PCLO: variants seen among roughly 807,000 people sequenced by gnomAD.
PCLO encodes the protein piccolo presynaptic cytomatrix protein, also known as protein piccolo.
Under a neutral mutation model 427.5 loss-of-function variants are expected in PCLO, and 82 were observed. That is an observed-to-expected ratio of 0.19 (90% CI 0.16 to 0.23). The LOEUF (loss-of-function observed/expected upper bound fraction) is 0.23. Ranked by LOEUF, PCLO falls within the 10% of genes least tolerant of loss-of-function variation. The pLI is 1.00. For synonymous variants in PCLO, 2,357 were observed against 2,155.4 expected, an observed-to-expected ratio of 1.09 and a Z score of -2.59; for missense variants, 6,239 against 6,115.9, an observed-to-expected ratio of 1.02 and a Z score of -0.67.
chr7:82,953,089 C>G lies in PCLO; in HGVS notation c.7864G>C (p.Val2622Leu), dbSNP rs761772741. ...TCTACAGCTGTCACAGGAGGAACTA[C>G]AGAAAACACAGGTTCAACAGAAACC... ...DLVSVEPVFS[V>L]VPPVTAVEIP... The change falls in exon 5 of 25, where the codon GTA becomes CTA. Residue 2622 changes from valine (V) to leucine (L), a missense_variant. This residue lies in a region of PCLO where 4,677 missense variants were observed against 4,468.4 expected (regional missense o/e 1.05). Transcript: ENST00000333891. 1 of 1,613,974 alleles carries G rather than the reference C, an allele frequency of 6.2e-7. No homozygotes were observed. The highest frequency in any genetic ancestry group is 1.1e-5 in the South Asian group (1 of 91,086).
intron 18 of PCLO, among the ~76,000 whole-genome samples, chr7:82,825,665 G>C (rs1291431212): frequency 6.8e-6 from 1 of 147,092 alleles, no homozygotes; most frequent in Non-Finnish European, 1.5e-5. Flanking sequence ...TATATACATT[G>C]TATATATAAC....
chr7:83,151,969 T>TC (rs1409547933), intron 2 of PCLO, among the ~76,000 whole-genome samples: 2 of 152,120 alleles, frequency 1.3e-5, no homozygotes, highest in Non-Finnish European at 2.9e-5. Flanking sequence ...CTTACTTTTT[T>TC]TTTTTTTTGA....
At position 83,131,383 on chromosome 7, in the gene PCLO, C is replaced by T. The variant is rs183531678; in HGVS notation, c.3300+2867G>A. On this transcript the variant is annotated intron_variant, in intron 3 of 24. Transcript: ENST00000333891. ...TGTATGAGACAGGAAACAACCTTAGCGACAGGTGTGTTTGATTAATGAAGG... is the reference window on the plus strand; with the variant it reads ...TGTATGAGACAGGAAACAACCTTAGTGACAGGTGTGTTTGATTAATGAAGG... Among the ~76,000 whole-genome samples the T allele has an allele frequency of 1.3e-4, 20 of 152,096 alleles. No homozygotes were observed. In the South Asian group the frequency reaches 1.9e-3, roughly 14 times the overall value.
At chr7:83,152,355 T>C (rs1017740930) in intron 2 of PCLO, among the ~76,000 whole-genome samples, 3 of 152,202 alleles carry the variant, frequency 2.0e-5, no homozygotes, top group Non-Finnish European at 1.5e-5. Context: ...AGACTGCATA[T>C]CTAACAAATA....
intron 22 of PCLO, among the ~76,000 whole-genome samples, chr7:82,763,503 A>G (rs1297028418): frequency 2.0e-5 from 3 of 152,080 alleles, no homozygotes; most frequent in Non-Finnish European, 2.9e-5. Context: ...AAGTTGTAAA[A>G]ATATTAGGCT....
chr7:82,859,445 G>A (rs1365946267), intron 10 of PCLO, among the ~76,000 whole-genome samples: 2 of 152,194 alleles, frequency 1.3e-5, no homozygotes, highest in African/African-American at 2.4e-5. Context: ...TAAGAGAAGA[G>A]AACAAGAGTC....
chr7:83,083,204 AATAG>A (rs1790146877), intron 3 of PCLO, among the ~76,000 whole-genome samples: 1 of 151,988 alleles, frequency 6.6e-6, no homozygotes, highest in African/African-American at 2.4e-5. Context: ...AAGTAACTGA[AATAG>A]ATAATGTTAC....
At chr7:82,889,031 G>A (rs1793695377) in intron 9 of PCLO, among the ~76,000 whole-genome samples, 1 of 151,598 alleles carries the variant, frequency 6.6e-6, no homozygotes, top group Admixed American at 6.6e-5. Context: ...GGGGTGAGGG[G>A]TTTCTGTTAC....
chr7:83,057,217 G>C (rs919839235), intron 3 of PCLO, among the ~76,000 whole-genome samples: 1 of 145,306 alleles, frequency 6.9e-6, no homozygotes, highest in South Asian at 2.2e-4. Flanking sequence ...CTGAGTAGCT[G>C]TATTTCTAGT....
At chr7:83,159,856 A>G (rs537673885) in intron 1 of PCLO, among the ~76,000 whole-genome samples, 5 of 152,196 alleles carry the variant, frequency 3.3e-5, no homozygotes, top group African/African-American at 1.2e-4. Flanking sequence ...GTCCCAGGAT[A>G]TAGGGACTAA....
chr7:82,932,363 T>C (rs1584174355), intron 6 of PCLO, among the ~76,000 whole-genome samples: 1 of 152,092 alleles, frequency 6.6e-6, no homozygotes, highest in African/African-American at 2.4e-5. Flanking sequence ...ATCTGAACCT[T>C]GGATCATAAA....
chr7:82,755,595 A>G lies in PCLO; in HGVS notation c.*2980T>C, dbSNP rs1337259354. 1.3e-5 allele frequency: 2 copies of G among 152,126 alleles called. No individual in the cohort carries two copies. Among genetic ancestry groups the G allele is most frequent in the African/African-American group, 2.4e-5 (1 of 41,434 alleles). The allele number at this position is 152,126 out of a possible 1,614,324, so 9.4% of individuals were successfully genotyped here. ...AAACTGAGATGCTCTTCAAGGTAAA[A>G]GTGCTGTAATTGGAGTAATTACGTA... On this transcript the variant is annotated 3_prime_UTR_variant, in exon 25 of 25. Transcript: ENST00000333891.
rs200344312 is a variant in PCLO, at chr7:83,155,041, G to A, written c.1600C>T (p.Pro534Ser). 1 of 1,613,638 alleles carries A rather than the reference G, an allele frequency of 6.2e-7. No homozygotes were observed. Among genetic ancestry groups the A allele is most frequent in the African/African-American group, 1.3e-5 (1 of 74,922 alleles). Reference protein sequence around the residue: ...PGSTKPPSQQPGSAKPSAQQP... With the variant: ...PGSTKPPSQQSGSAKPSAQQP... Reference sequence around the variant, plus strand: ...TGAGCTGAGGGTTTTGCTGAGCCAGGCTGTTGAGATGGGGGTTTTGTTGAG... The same window carrying A: ...TGAGCTGAGGGTTTTGCTGAGCCAGACTGTTGAGATGGGGGTTTTGTTGAG... Residue 534 changes from proline (P) to serine (S), a missense_variant, in exon 2 of 25, where the codon CCT becomes TCT. Pro to Ser is a moderately conservative substitution (Grantham distance 74). This residue lies in a region of PCLO where 4,677 missense variants were observed against 4,468.4 expected (regional missense o/e 1.05). Transcript: ENST00000333891.
chr7:82,809,973 A>C (rs1583998174), intron 20 of PCLO, among the ~76,000 whole-genome samples: 1 of 151,818 alleles, frequency 6.6e-6, no homozygotes, highest in South Asian at 2.1e-4. Flanking sequence ...AAAAGTTCAT[A>C]ATCACAAATA....
chr7:82,838,554 T>G (rs73710011), intron 14 of PCLO, among the ~76,000 whole-genome samples: 2,800 of 152,026 alleles, frequency 0.018, 89 homozygotes, highest in African/African-American at 0.064. Context: ...GTTCATTCTT[T>G]CCACAGTGAA....
intron 3 of PCLO, among the ~76,000 whole-genome samples, chr7:83,028,767 T>C (rs1788575693): frequency 4.0e-5 from 6 of 149,900 alleles, no homozygotes; most frequent in Non-Finnish European, 6.0e-5. Context: ...GAGATATAGA[T>C]CAATGGAACA....
At chr7:83,036,238 G>C (rs559963485) in intron 3 of PCLO, among the ~76,000 whole-genome samples, 4 of 152,052 alleles carry the variant, frequency 2.6e-5, no homozygotes, top group Admixed American at 1.3e-4. Context: ...CACCTAGAAG[G>C]CTTGATAAAA....
intron 12 of PCLO, among the ~76,000 whole-genome samples, chr7:82,846,029 T>A (rs1792492402): frequency 6.6e-6 from 1 of 152,128 alleles, no homozygotes; most frequent in Non-Finnish European, 1.5e-5. Flanking sequence ...GAAAAAGTGA[T>A]GTTTTTAATC....
At chr7:83,160,071 C>A (rs974488113) in intron 1 of PCLO, among the ~76,000 whole-genome samples, 17 of 152,110 alleles carry the variant, frequency 1.1e-4, no homozygotes, top group African/African-American at 4.1e-4. Context: ...GACAGTGTCA[C>A]CCATTGCTGA....
Sources: allele counts gnomAD v4.1 joint callset (sites outside exome capture counted in the v4.1 genomes callset), GRCh38; gene constraint gnomAD v4.1.1; regional missense constraint gnomAD v4.1.1; transcripts MANE v1.5; gene names NCBI Gene and HGNC (gene_info 2026-07-23, HGNC 2026-07-21).